Variants in KDM3B observed in about 807,000 individuals in gnomAD.
KDM3B encodes lysine demethylase 3B.
In KDM3B, 10 loss-of-function variants were observed where a neutral mutation model predicts 170.0. That is an observed-to-expected ratio of 0.06 (90% CI 0.04 to 0.10). The LOEUF (loss-of-function observed/expected upper bound fraction) is 0.10. Ranked by LOEUF, KDM3B falls within the 10% of genes least tolerant of loss-of-function variation. The probability of loss-of-function intolerance (pLI) is 1.00; values close to 1 mark genes in which losing one functional copy is unlikely to be tolerated. For missense variants in KDM3B, 1,394 were observed against 2,195.2 expected, an observed-to-expected ratio of 0.64 and a Z score of 7.29; for synonymous variants, 831 against 834.8, an observed-to-expected ratio of 1.00 and a Z score of 0.08.
chr5:138,389,074 T>C (rs1402265380), intron 7 of KDM3B, among the ~76,000 whole-genome samples: 1 of 152,254 alleles, frequency 6.6e-6, no homozygotes, highest in Non-Finnish European at 1.5e-5. Flanking sequence ...TGCTAGTTCC[T>C]TGCAGTCATG....
intron 2 of KDM3B, chr5:138,374,231 T>G (rs921440852): frequency 4.8e-6 from 2 of 420,076 alleles, no homozygotes; most frequent in Non-Finnish European, 9.5e-6. Flanking sequence ...TAACCTCAGG[T>G]GAGCCACTAC....
intron 11 of KDM3B, among the ~76,000 whole-genome samples, chr5:138,406,715 A>T (rs905976053): frequency 1.3e-5 from 2 of 152,170 alleles, no homozygotes; most frequent in Non-Finnish European, 2.9e-5. Context: ...ATATGTGCTA[A>T]TCTTCTGCCT....
At chr5:138,396,119 T>C (rs78833822) in intron 9 of KDM3B, among the ~76,000 whole-genome samples, 6 of 151,004 alleles carry the variant, frequency 4.0e-5, no homozygotes, top group Non-Finnish European at 7.4e-5. Context: ...TCTTTTTTTT[T>C]AGATGGAGTC....
At chr5:138,420,604 A>C in intron 14 of KDM3B, 102 bp from the exon 15 acceptor site, 2 of 1,293,792 alleles carry the variant, frequency 1.5e-6, no homozygotes, top group Non-Finnish European at 2.2e-6. Flanking sequence ...AAGGGAAAGG[A>C]GAGAATCTTT....
At chr5:138,379,527 C>A in intron 4 of KDM3B, 57 bp from the exon 5 acceptor site, 1 of 1,518,144 alleles carries the variant, frequency 6.6e-7, no homozygotes, top group Non-Finnish European at 8.9e-7. Flanking sequence ...CTTTTAGGAA[C>A]AATTATGAAA....
Position 138,393,294 on chromosome 5 carries a change from G to A in KDM3B, c.2753G>A (p.Arg918His). Reference sequence around the variant, plus strand: ...CATCTGCACAAGTGTCGTGAATGCCGCCTGGAGCGGTACCGGAAGTTTAAG... The same window carrying A: ...CATCTGCACAAGTGTCGTGAATGCCACCTGGAGCGGTACCGGAAGTTTAAG... Reference protein sequence around the residue: ...APHLHKCRECRLERYRKFKEQ... With the variant: ...APHLHKCRECHLERYRKFKEQ... The change falls in exon 9 of 24, where the codon CGC becomes CAC. Residue 918 changes from arginine to histidine, a missense_variant. Arg to His is a conservative substitution (Grantham distance 29). Coordinates refer to ENST00000314358, the MANE Select transcript of KDM3B (RefSeq NM_016604.4). 4 of 1,614,152 alleles carry A rather than the reference G, an allele frequency of 2.5e-6. No homozygotes were observed. The highest frequency in any genetic ancestry group is 2.5e-6 in the Non-Finnish European group (3 of 1,180,000).
chr5:138,367,069 C>T (rs1389151272), intron 1 of KDM3B, among the ~76,000 whole-genome samples: 1 of 152,190 alleles, frequency 6.6e-6, no homozygotes, highest in East Asian at 1.9e-4. Flanking sequence ...TCCTTTAAGA[C>T]CCAGTTTGTA....
chr5:138,419,916 T>C (rs746339456), intron 14 of KDM3B, among the ~76,000 whole-genome samples: 32 of 152,046 alleles, frequency 2.1e-4, no homozygotes, highest in South Asian at 1.2e-3. Context: ...TTTGCTCTTG[T>C]TGCCTGGAGT....
intron 1 of KDM3B, among the ~76,000 whole-genome samples, chr5:138,358,017 G>A (rs1211321800): frequency 6.7e-6 from 1 of 149,578 alleles, no homozygotes; most frequent in Non-Finnish European, 1.5e-5. Context: ...TTTATTTAGA[G>A]ACAGAGTTTC....
In KDM3B at chr5:138,402,012, T is replaced by A. The variant is rs115418118; in HGVS notation, c.3199+2000T>A. The stretch of plus-strand genomic sequence containing the variant: ...GGCATCATCATGGCTCATTGCAGCC[T>A]CAACCGCCTGGGCCCAAGCAGTTCT... On this transcript the variant is annotated intron_variant, in intron 11 of 23. Transcript: ENST00000314358. Among the ~76,000 whole-genome samples the A allele has an allele frequency of 2.8e-3, 425 of 152,188 alleles. 4 individuals are homozygous for A. Among genetic ancestry groups the A allele is most frequent in the African/African-American group, 1.0e-2 (414 of 41,516 alleles).
rs767422405 is a variant in KDM3B at position 138,427,359 on chromosome 5, T to C, written c.4633+40T>C. ...CTAAAATTGCTCTTTTGGGGGACTG[T>C]TGTTCTTATTTCAACTATAGAAGGA... is the stretch of plus-strand genomic sequence containing the variant. On this transcript the variant is annotated intron_variant, in intron 19 of 23. Transcript: ENST00000314358. The C allele has an allele frequency of 2.5e-6, 4 of 1,586,226 alleles. No individual in the cohort carries two copies. The South Asian group carries it at 4.5e-5, about 18-fold the overall frequency.
At chr5:138,405,046 ATT>A (rs145119422) in intron 11 of KDM3B, among the ~76,000 whole-genome samples, 11 of 126,654 alleles carry the variant, frequency 8.7e-5, no homozygotes, top group Non-Finnish European at 1.2e-4. Context: ...CAGCCTACAA[ATT>A]TTTTTTTTTT....
At chr5:138,353,104 G>A (rs1223730740) in intron 1 of KDM3B, 117 bp downstream of exon 1, 11 of 880,118 alleles carry the variant, frequency 1.2e-5, no homozygotes, top group Non-Finnish European at 1.6e-5. Context: ...CGTGCCCCCG[G>A]GTCTCCTTAG....
intron 11 of KDM3B, among the ~76,000 whole-genome samples, chr5:138,412,442 C>T (rs1206020712): frequency 6.6e-6 from 1 of 151,700 alleles, no homozygotes; most frequent in African/African-American, 2.4e-5. Flanking sequence ...TTGCTTGAGC[C>T]CAGGAGTTCA....
At chr5:138,367,182 G>C (rs968093982) in intron 1 of KDM3B, among the ~76,000 whole-genome samples, 1 of 151,984 alleles carries the variant, frequency 6.6e-6, no homozygotes, top group South Asian at 2.1e-4. Context: ...TGATTACTTC[G>C]CACTGTAATA....
intron 12 of KDM3B, among the ~76,000 whole-genome samples, chr5:138,417,109 C>T (rs1420289831): frequency 6.6e-6 from 1 of 152,210 alleles, no homozygotes; most frequent in Non-Finnish European, 1.5e-5. Flanking sequence ...GCGTGAGCCA[C>T]CACACCTGGC....
chr5:138,361,257 G>C (rs1444983380), intron 1 of KDM3B, among the ~76,000 whole-genome samples: 2 of 151,936 alleles, frequency 1.3e-5, no homozygotes, highest in Admixed American at 6.6e-5. Context: ...TTTTGCTCTT[G>C]ATCTCTAGGT....
rs1312943613 is a variant in KDM3B at position 138,427,972 on chromosome 5, A to G, written c.4639A>G (p.Ile1547Val). 2.5e-6 allele frequency: 4 copies of G among 1,612,984 alleles called. No individual in the cohort carries two copies. The highest frequency in any genetic ancestry group is 4.5e-5 in the East Asian group (2 of 44,874). The change falls in exon 20 of 24, where the codon ATA becomes GTA. Residue 1547 changes from isoleucine (I) to valine (V), a missense_variant. Ile to Val is a conservative substitution (Grantham distance 29). This residue lies in a region of KDM3B where 79 missense variants were observed against 270.5 expected (regional missense o/e 0.29). Coordinates refer to ENST00000314358, the MANE Select transcript of KDM3B (RefSeq NM_016604.4). ...GPKMYNAYGL[I>V]TAEDRRVGTT... ...TATTTTCCTTTCTCCTTTAGGGTTG[A>G]TAACAGCAGAAGATAGAAGAGTTGG...
chr5:138,427,962 T>G lies in KDM3B; in HGVS notation c.4634-5T>G. 6.2e-7 allele frequency: 1 copy of G among 1,611,914 alleles called. No homozygotes were observed. Among genetic ancestry groups the G allele is most frequent in the Admixed American group, 1.7e-5 (1 of 59,630 alleles). ...TCACCTTGCATATTTTCCTTTCTCC[T>G]TTAGGGTTGATAACAGCAGAAGATA... On this transcript the variant is annotated splice_region_variant and splice_polypyrimidine_tract_variant and intron_variant, in intron 19 of 23. Coordinates refer to ENST00000314358, the MANE Select transcript of KDM3B (RefSeq NM_016604.4).
Sources: allele counts gnomAD v4.1 joint callset (sites outside exome capture counted in the v4.1 genomes callset), GRCh38; gene constraint gnomAD v4.1.1; regional missense constraint gnomAD v4.1.1; transcripts MANE v1.5; gene names NCBI Gene and HGNC (gene_info 2026-07-23, HGNC 2026-07-21).